The following SLC22A24 variants were observed in gnomAD, a reference collection of about 807,000 sequenced individuals.
SLC22A24 encodes the protein solute carrier family 22 member 24.
A neutral mutation model predicts 49.8 loss-of-function variants in SLC22A24; 53 were observed. The observed-to-expected ratio is 1.06, with a 90% CI of 0.85 to 1.34. The LOEUF (loss-of-function observed/expected upper bound fraction) is 1.34, where lower values mean the gene tolerates loss of function less well. SLC22A24 is among the 40% of genes most tolerant of loss of function. SLC22A24 has a pLI of 0.00. For missense variants in SLC22A24, 786 were observed against 675.9 expected (o/e 1.16, Z -1.81); for synonymous variants, 302 against 256.4 (o/e 1.18, Z -1.70).
At chr11:63,111,363 T>C (rs2087162711) in intron 4 of SLC22A24, among the ~76,000 whole-genome samples, 1 of 152,002 alleles carries the variant, frequency 6.6e-6, no homozygotes, top group Non-Finnish European at 1.5e-5. Context: ...GCTGGCTTCA[T>C]AAAATGAGTT....
Position 63,134,689 on chromosome 11 carries a change from A to T in SLC22A24, c.482T>A (p.Leu161Gln). The change falls in exon 2 of 10, where the codon CTA becomes CAA. Residue 161 changes from leucine to glutamine, a missense_variant. Physicochemically the swap from Leu to Gln is moderately radical, Grantham distance 113. Transcript: ENST00000612278. ...LFMAGSLLGG[L>Q]IYGHLSDRVG... Reference sequence around the variant, plus strand: ...CCTGTCTGAAAGATGGCCATATATTAGACCTCCCAGAAGTGACCCAGCCAT... The same window carrying T: ...CCTGTCTGAAAGATGGCCATATATTTGACCTCCCAGAAGTGACCCAGCCAT... 1.3e-6 allele frequency: 2 copies of T among 1,551,890 alleles called. No individual in the cohort carries two copies. Among genetic ancestry groups the T allele is most frequent in the Non-Finnish European group, 1.7e-6 (2 of 1,145,738 alleles).
chr11:63,119,054 G>T lies in SLC22A24; in HGVS notation c.688C>A (p.Arg230=). The change falls in exon 4 of 10, where the codon CGA becomes AGA. Residue 230 remains arginine (R), a synonymous_variant. Transcript: ENST00000612278. ...AATAGCACCATTATTGTCATAGATC[G>T]TGACCGGGGCAATGTCCACTCTAAG... The part of the protein sequence containing the change: ...LSLEWTLPRS[R]SMTIMVLLCS... The T allele has an allele frequency of 6.4e-7, 1 of 1,550,544 alleles. No homozygotes were observed. Among genetic ancestry groups the T allele is most frequent in the Non-Finnish European group, 8.7e-7 (1 of 1,146,158 alleles).
At position 63,080,973 on chromosome 11, in the gene SLC22A24, A is replaced by G. The variant is rs11231340; in HGVS notation, c.1545T>C (p.Leu515=). The G allele has an allele frequency of 0.52, 807,320 of 1,551,454 alleles. 211,891 individuals are homozygous for G. Among genetic ancestry groups the G allele is most frequent in the Non-Finnish European group, 0.54 (618,043 of 1,146,922 alleles). The change falls in exon 9 of 10, where the codon CTT becomes CTC. Residue 515 remains leucine, a synonymous_variant. Coordinates refer to ENST00000612278, the MANE Select transcript of SLC22A24 (RefSeq NM_001136506.2). ...PILAVPVILL[L]PETRDLPLPN... ...GAAGAGGTAGATCCCTGGTTTCTGG[A>G]AGGAGGAGGATAACAGGGACAGCAA...
At chr11:63,120,851 A>G (rs950836489) in intron 2 of SLC22A24, among the ~76,000 whole-genome samples, 1 of 152,182 alleles carries the variant, frequency 6.6e-6, no homozygotes, top group Non-Finnish European at 1.5e-5. Flanking sequence ...GAGGCAACTT[A>G]GAATAGAATT....
chr11:63,110,879 C>T (rs1330994337), intron 4 of SLC22A24, among the ~76,000 whole-genome samples: 2 of 145,970 alleles, frequency 1.4e-5, no homozygotes, highest in South Asian at 2.2e-4. Context: ...GAACTTCCAA[C>T]ACTATGTTGA....
intron 6 of SLC22A24, among the ~76,000 whole-genome samples, chr11:63,085,907 G>A (rs1440579202): frequency 4.6e-5 from 7 of 152,272 alleles, no homozygotes; most frequent in South Asian, 4.2e-4. Context: ...CACTATCAGG[G>A]ACTCTAGTCT....
chr11:63,108,447 G>A (rs1185007522), intron 4 of SLC22A24, among the ~76,000 whole-genome samples: 1 of 152,114 alleles, frequency 6.6e-6, no homozygotes, highest in Non-Finnish European at 1.5e-5. Flanking sequence ...CTGGCCACAT[G>A]AAATGAGTTA....
intron 4 of SLC22A24, among the ~76,000 whole-genome samples, chr11:63,113,344 A>C (rs1485581771): frequency 1.3e-5 from 2 of 151,438 alleles, no homozygotes; most frequent in Non-Finnish European, 2.9e-5. Context: ...GTTTCTTCAT[A>C]GCATCGATGG....
chr11:63,122,924 A>C (rs1233888197), intron 2 of SLC22A24, among the ~76,000 whole-genome samples: 1 of 152,196 alleles, frequency 6.6e-6, no homozygotes, highest in African/African-American at 2.4e-5. Flanking sequence ...GGTGATTAGC[A>C]TACCTATCTT....
At chr11:63,112,589 A>G (rs1034138813) in intron 4 of SLC22A24, among the ~76,000 whole-genome samples, 5 of 151,894 alleles carry the variant, frequency 3.3e-5, no homozygotes, top group African/African-American at 1.2e-4. Context: ...TGATTTTTTG[A>G]AGGATTTTTG....
chr11:63,105,024 G>A (rs2087111782), intron 4 of SLC22A24, among the ~76,000 whole-genome samples: 2 of 152,188 alleles, frequency 1.3e-5, no homozygotes, highest in African/African-American at 4.8e-5. Flanking sequence ...CCAAAATGAA[G>A]GGGCTGCAGG....
intron 4 of SLC22A24, among the ~76,000 whole-genome samples, chr11:63,109,417 G>A (rs1290234110): frequency 3.4e-5 from 5 of 145,498 alleles, no homozygotes; most frequent in East Asian, 2.1e-4. Context: ...CTGAGGAATC[G>A]CCACACTGAC....
At chr11:63,117,235 G>T (rs1183296821) in intron 4 of SLC22A24, among the ~76,000 whole-genome samples, 1 of 152,042 alleles carries the variant, frequency 6.6e-6, no homozygotes, top group Non-Finnish European at 1.5e-5. Context: ...GTTTGTTGTT[G>T]TTGCTCCCTG....
At chr11:63,103,961 TTTAA>T (rs1377789131) in intron 5 of SLC22A24, among the ~76,000 whole-genome samples, 1 of 152,202 alleles carries the variant, frequency 6.6e-6, no homozygotes, top group Admixed American at 6.6e-5. Context: ...TCCCAATCAA[TTTAA>T]TTAAACAATT....
chr11:63,105,789 C>A (rs1485557704), intron 4 of SLC22A24, among the ~76,000 whole-genome samples: 1 of 152,072 alleles, frequency 6.6e-6, no homozygotes, highest in Non-Finnish European at 1.5e-5. Flanking sequence ...GCCTTTGGCT[C>A]CTCATTACTT....
chr11:63,088,014 C>T (rs1212201626), intron 6 of SLC22A24, among the ~76,000 whole-genome samples: 2 of 152,230 alleles, frequency 1.3e-5, no homozygotes, highest in Admixed American at 1.3e-4. Context: ...TGCCTGCCAG[C>T]TCTGAAGAGC....
intron 4 of SLC22A24, among the ~76,000 whole-genome samples, chr11:63,113,203 CATATATATACACATATATATATATACAT>C (rs2087186359): frequency 1.1e-3 from 4 of 3,744 alleles, no homozygotes; most frequent in South Asian, 0.014. Flanking sequence ...TATATATATA[CATATATATACACATATATATATATACAT>C]ATATATATAT....
At chr11:63,082,583 G>A (rs756205589) in intron 7 of SLC22A24, among the ~76,000 whole-genome samples, 1 of 152,170 alleles carries the variant, frequency 6.6e-6, no homozygotes, top group Non-Finnish European at 1.5e-5. Context: ...AAGAGAGGCT[G>A]GGTCAGCTTC....
chr11:63,098,237 A>G (rs1467441913), intron 5 of SLC22A24, among the ~76,000 whole-genome samples: 1 of 152,208 alleles, frequency 6.6e-6, no homozygotes, highest in Non-Finnish European at 1.5e-5. Flanking sequence ...GGGTTAATGA[A>G]TAAATGAAGA....
Sources: gnomAD v4.1 joint callset for allele counts (sites outside exome capture counted in the v4.1 genomes callset) on GRCh38, gnomAD v4.1.1 for gene constraint, MANE v1.5 for transcripts, NCBI Gene and HGNC (gene_info 2026-07-23, HGNC 2026-07-21) for gene names.